The following RAB8B variants were observed in gnomAD, a reference collection of about 807,000 sequenced individuals.
The protein encoded by RAB8B is ras-related protein Rab-8B.
RAB8B carries 11 observed loss-of-function variants against 32.0 expected under a neutral mutation model. The observed-to-expected ratio is 0.34, with a 90% CI of 0.22 to 0.57. The LOEUF (loss-of-function observed/expected upper bound fraction) is 0.57, where lower values mean the gene tolerates loss of function less well. Ranked by LOEUF, RAB8B falls within the 20% of genes least tolerant of loss-of-function variation. The pLI, the probability that RAB8B is intolerant of heterozygous loss-of-function variation, is 0.86. For missense variants in RAB8B, 190 were observed against 258.5 expected, an observed-to-expected ratio of 0.73 and a Z score of 1.82; for synonymous variants, 103 against 89.6, an observed-to-expected ratio of 1.15 and a Z score of -0.85.
intron 1 of RAB8B, among the ~76,000 whole-genome samples, chr15:63,212,516 G>T (rs1250245085): frequency 6.6e-6 from 1 of 152,128 alleles, no homozygotes; most frequent in Non-Finnish European, 1.5e-5. Flanking sequence ...TGATAATTTG[G>T]CATCACTTTT....
At position 63,205,480 on chromosome 15, in the gene RAB8B, A is replaced by G. The variant is rs1374456245; in HGVS notation, c.124+15732A>G. On this transcript the variant is annotated intron_variant, in intron 1 of 7. Coordinates refer to ENST00000321437, the MANE Select transcript of RAB8B (RefSeq NM_016530.3). Reference sequence around the variant, plus strand: ...ACCATTGTACTCCAGCCTGGGCAACAAAGTGAGACCCTGTATCAAAAAACA... The same window carrying G: ...ACCATTGTACTCCAGCCTGGGCAACGAAGTGAGACCCTGTATCAAAAAACA... 4.6e-5 allele frequency among the ~76,000 whole-genome samples: 7 copies of G among 152,146 alleles called. No homozygotes were observed. In the East Asian group the frequency reaches 1.2e-3, roughly 25 times the overall value.
In RAB8B at chr15:63,249,681, G is replaced by A. The variant is rs146434317; in HGVS notation, c.222G>A (p.Thr74=). 1.4e-5 allele frequency: 23 copies of A among 1,613,744 alleles called. No individual in the cohort carries two copies. Among genetic ancestry groups the A allele is most frequent in the African/African-American group, 8.0e-5 (6 of 74,906 alleles). The change falls in exon 3 of 8, where the codon ACG becomes ACA. Residue 74 remains threonine, a synonymous_variant. Transcript: ENST00000321437. ...TAGQERFRTI[T]TAYYRGAMGI... Reference sequence around the variant, plus strand: ...GTCAGGAAAGATTCCGAACAATCACGACAGCGTACTACAGAGGAGCCATGG... The same window carrying A: ...GTCAGGAAAGATTCCGAACAATCACAACAGCGTACTACAGAGGAGCCATGG...
At chr15:63,239,551 G>A (rs1211411080) in intron 1 of RAB8B, among the ~76,000 whole-genome samples, 1 of 151,708 alleles carries the variant, frequency 6.6e-6, no homozygotes, top group East Asian at 1.9e-4. Context: ...CCGCTAGCTG[G>A]GATTACAGGC....
chr15:63,207,032 A>G (rs982365393), intron 1 of RAB8B, among the ~76,000 whole-genome samples: 1 of 151,722 alleles, frequency 6.6e-6, no homozygotes, highest in Non-Finnish European at 1.5e-5. Flanking sequence ...CATACTTCCT[A>G]CTCTTCTAAC....
chr15:63,212,685 C>T (rs755751076), intron 1 of RAB8B, among the ~76,000 whole-genome samples: 5 of 152,202 alleles, frequency 3.3e-5, no homozygotes, highest in African/African-American at 4.8e-5. Flanking sequence ...GATGAGGAGA[C>T]AGCCTCTGGA....
intron 1 of RAB8B, among the ~76,000 whole-genome samples, chr15:63,198,400 T>C (rs2037620888): frequency 6.6e-6 from 1 of 152,180 alleles, no homozygotes; most frequent in South Asian, 2.1e-4. Context: ...GGGAAAATGC[T>C]AACACTCTGC....
At chr15:63,255,210 G>T (rs1194265864) in intron 3 of RAB8B, among the ~76,000 whole-genome samples, 1 of 152,178 alleles carries the variant, frequency 6.6e-6, no homozygotes, top group East Asian at 1.9e-4. Flanking sequence ...TCCAATTGGG[G>T]CTGATTGTTA....
chr15:63,230,532 C>T (rs1367007641), intron 1 of RAB8B, among the ~76,000 whole-genome samples: 1 of 152,296 alleles, frequency 6.6e-6, no homozygotes, highest in South Asian at 2.1e-4. Flanking sequence ...GAACTCCTGA[C>T]CTCAGGTGAT....
chr15:63,257,830 G>C (rs2038170733), intron 5 of RAB8B, among the ~76,000 whole-genome samples: 1 of 151,802 alleles, frequency 6.6e-6, no homozygotes, highest in Non-Finnish European at 1.5e-5. Flanking sequence ...GGAGGCCGAG[G>C]TGGGTGGATC....
intron 1 of RAB8B, among the ~76,000 whole-genome samples, chr15:63,222,658 C>T (rs2037854376): frequency 6.6e-6 from 1 of 152,180 alleles, no homozygotes; most frequent in African/African-American, 2.4e-5. Context: ...CTGCCTCAGC[C>T]TCCCGAGTAA....
chr15:63,249,525 C>T (rs1047860550), intron 2 of RAB8B, 120 bp from the exon 3 acceptor site: 21 of 875,492 alleles, frequency 2.4e-5, no homozygotes, highest in African/African-American at 6.8e-5. Context: ...GTCTCATTCT[C>T]CTTTCCTCTG....
chr15:63,262,939 T>G (rs1186611370), intron 7 of RAB8B, among the ~76,000 whole-genome samples, 197 bp downstream of exon 7: 1 of 152,146 alleles, frequency 6.6e-6, no homozygotes, highest in South Asian at 2.1e-4. Context: ...AGTCCTTTCT[T>G]CTGGCTCTTT....
intron 1 of RAB8B, among the ~76,000 whole-genome samples, chr15:63,210,856 TC>T (rs1308059581): frequency 4.6e-5 from 7 of 152,214 alleles, no homozygotes; most frequent in African/African-American, 1.7e-4. Context: ...AATGTAATTG[TC>T]TTCTGAAGAG....
chr15:63,256,591 G>A lies in RAB8B; in HGVS notation c.411G>A (p.Glu137=), dbSNP rs1043640653. Reference sequence around the variant, plus strand: ...GACAAGTGTCAAAAGAAAGAGGGGAGAAGGTAAATGTGAATGGAATGGATA... The same window carrying A: ...GACAAGTGTCAAAAGAAAGAGGGGAAAAGGTAAATGTGAATGGAATGGATA... ...DKRQVSKERG[E]KLAIDYGIKF... is the part of the protein sequence containing the mutation. Residue 137 remains glutamate, a synonymous_variant, in exon 5 of 8, where the codon GAG becomes GAA. Coordinates refer to ENST00000321437, the MANE Select transcript of RAB8B (RefSeq NM_016530.3). 6.3e-7 allele frequency: 1 copy of A among 1,585,960 alleles called. No homozygotes were observed. Among genetic ancestry groups the A allele is most frequent in the Non-Finnish European group, 8.6e-7 (1 of 1,162,820 alleles).
At chr15:63,246,072 C>G (rs1473695793) in intron 2 of RAB8B, among the ~76,000 whole-genome samples, 1 of 152,148 alleles carries the variant, frequency 6.6e-6, no homozygotes, top group East Asian at 1.9e-4. Context: ...CGGGGTTTCT[C>G]CATGTTAGCC....
chr15:63,207,899 A>G (rs1306549846), intron 1 of RAB8B, among the ~76,000 whole-genome samples: 1 of 152,064 alleles, frequency 6.6e-6, no homozygotes, highest in African/African-American at 2.4e-5. Context: ...TTTGTTGCCA[A>G]GTCCTTTCCA....
intron 1 of RAB8B, among the ~76,000 whole-genome samples, chr15:63,224,900 C>T (rs191514219): frequency 7.0e-4 from 106 of 152,134 alleles, no homozygotes; most frequent in Non-Finnish European, 1.3e-3. Context: ...TTTAGCCCAA[C>T]GAGGGGAGAT....
At chr15:63,255,633 G>A (rs2152583121) in intron 4 of RAB8B, 49 bp downstream of exon 4, 1 of 1,449,094 alleles carries the variant, frequency 6.9e-7, no homozygotes, top group Non-Finnish European at 9.7e-7. Context: ...CCTGCTGGGT[G>A]CTTGTAAAAG....
rs989205678 is a variant in RAB8B at position 63,264,495 on chromosome 15, C to A, written c.*876C>A. 6.6e-6 allele frequency: 1 copy of A among 152,186 alleles called. No homozygotes were observed. Among genetic ancestry groups the A allele is most frequent in the Admixed American group, 6.5e-5 (1 of 15,288 alleles). 9.4% of individuals were successfully genotyped at this position (152,186 alleles called of 1,614,324 possible). ...ACCATTTAGGGTTTTAGTGCAGCAT[C>A]TAACTGTGATTCTGTCAATAAGGAT... On this transcript the variant is annotated 3_prime_UTR_variant, in exon 8 of 8. Transcript: ENST00000321437.
Sources: allele counts gnomAD v4.1 joint callset (sites outside exome capture counted in the v4.1 genomes callset), GRCh38; gene constraint gnomAD v4.1.1; transcripts MANE v1.5; gene names NCBI Gene and HGNC (gene_info 2026-07-23, HGNC 2026-07-21).